The following CLPSL1 variants were observed in gnomAD, a reference collection of about 807,000 sequenced individuals.
CLPSL1 encodes colipase-like protein 1.
In CLPSL1, 13 loss-of-function variants were observed where a neutral mutation model predicts 9.3. The ratio of observed to expected loss-of-function variants is 1.40; its 90% CI spans 0.91 to 2.22. The LOEUF is 2.22. Among genes scored for constraint, CLPSL1 ranks in the 30% most tolerant of loss-of-function variants. The pLI, the probability that CLPSL1 is intolerant of heterozygous loss-of-function variation, is 0.00. For synonymous variants in CLPSL1, 58 were observed against 56.9 expected (o/e 1.02, Z -0.08); for missense variants, 164 against 146.6 (o/e 1.12, Z -0.61).
At chr6:35,785,273 G>C (rs994764417) in intron 1 of CLPSL1, among the ~76,000 whole-genome samples, 2 of 150,482 alleles carry the variant, frequency 1.3e-5, no homozygotes, top group East Asian at 3.9e-4. Context: ...CACCTCCCGG[G>C]TTCACGCCAT....
At chr6:35,791,789 C>T (rs114626523), downstream of CLPSL1, among the ~76,000 whole-genome samples, 5,270 of 151,660 alleles carry the variant, frequency 0.035, 91 homozygotes, top group Admixed American at 0.065. Context: ...AAATTAACTC[C>T]GGGCATGGAG....
At position 35,788,137 on chromosome 6, in the gene CLPSL1, G is replaced by C. The variant is rs767233187; in HGVS notation, c.*127G>C. On this transcript the variant is annotated 3_prime_UTR_variant, in exon 3 of 3. Transcript: ENST00000373861. ...GGAAGTGGGGAGTGATTGAAATAAA[G>C]AGCTTTTTCAATGTTTGCTGCCCAC... The C allele has an allele frequency of 8.0e-6, 5 of 626,846 alleles. No individual in the cohort carries two copies. The highest frequency in any genetic ancestry group is 1.4e-5 in the Non-Finnish European group (5 of 359,080). The allele number at this position is 626,846 out of a possible 1,614,324, so 38.8% of individuals were successfully genotyped here. A position where few individuals can be genotyped will look rare whatever the true frequency, so the allele number is the denominator to read the frequency against.
intron 2 of CLPSL1, 24 bp from the exon 3 acceptor site, chr6:35,787,843 A>T (rs1225444341): frequency 6.2e-7 from 1 of 1,602,994 alleles, no homozygotes; most frequent in Admixed American, 1.7e-5. Flanking sequence ...GCCAAGGTCG[A>T]GGTCAAAGTC....
At chr6:35,787,612 A>G (rs111960951) in intron 2 of CLPSL1, among the ~76,000 whole-genome samples, 469 of 152,250 alleles carry the variant, frequency 3.1e-3, no homozygotes, top group African/African-American at 0.011. Flanking sequence ...TGGTGTGTCC[A>G]TGGACTTAGG....
chr6:35,792,072 A>T (rs1768229399), downstream of CLPSL1, among the ~76,000 whole-genome samples: 1 of 148,686 alleles, frequency 6.7e-6, no homozygotes, highest in Non-Finnish European at 1.5e-5. Flanking sequence ...GGCAACAGAG[A>T]CAGACTCCAT....
intron 1 of CLPSL1, 29 bp from the exon 2 acceptor site, chr6:35,786,969 G>A (rs1418340332): frequency 1.3e-6 from 2 of 1,557,548 alleles, no homozygotes; most frequent in East Asian, 2.4e-5. Context: ...GGGCGGTGGA[G>A]CCTGGCGGTG....
chr6:35,790,813 A>C (rs1352527216), downstream of CLPSL1, among the ~76,000 whole-genome samples: 4 of 152,264 alleles, frequency 2.6e-5, no homozygotes, highest in African/African-American at 9.6e-5. Context: ...TTAGGCAGAC[A>C]AAGGAGTTCA....
At chr6:35,781,279 A>ACAT in intron 1 of CLPSL1, 70 bp downstream of exon 1, 1 of 1,571,196 alleles carries the variant, frequency 6.4e-7, no homozygotes, top group South Asian at 1.2e-5. Flanking sequence ...TGGGGAGGTG[A>ACAT]GCGGGCATGG....
At chr6:35,783,666 T>C (rs12207830) in intron 1 of CLPSL1, among the ~76,000 whole-genome samples, 35,519 of 149,468 alleles carry the variant, frequency 0.24, 4,439 homozygotes, top group Non-Finnish European at 0.29. Flanking sequence ...AAATTAGCTG[T>C]GCGTGGTGGC....
At chr6:35,786,959 G>T (rs778382185) in intron 1 of CLPSL1, 39 bp from the exon 2 acceptor site, 2 of 1,551,708 alleles carry the variant, frequency 1.3e-6, no homozygotes, top group South Asian at 1.2e-5. Context: ...GGCGGAAGGC[G>T]GGCGGTGGAG....
In CLPSL1 at chr6:35,787,020, G is replaced by A. The variant is rs750205720; in HGVS notation, c.122G>A (p.Arg41Gln). The A allele has an allele frequency of 6.9e-6, 11 of 1,587,886 alleles. No homozygotes were observed. The highest frequency in any genetic ancestry group is 1.2e-5 in the South Asian group (1 of 86,838). Residue 41 changes from arginine to glutamine, a missense_variant, in exon 2 of 3, where the codon CGG (arginine) becomes CAG (glutamine). By Grantham distance (43) the Arg-to-Gln change is conservative. Transcript: ENST00000373861. ...CAGGAGCTCAAGGAGTCTTGCATCCGGAACCAGGACTGCGAGACTGGCTGC... is the reference window on the plus strand; with the variant it reads ...CAGGAGCTCAAGGAGTCTTGCATCCAGAACCAGGACTGCGAGACTGGCTGC... ...NLLELKESCIRNQDCETGCCQ... is the reference protein window; with the variant it reads ...NLLELKESCIQNQDCETGCCQ...
chr6:35,788,374 C>G (rs577687999), downstream of CLPSL1, among the ~76,000 whole-genome samples: 3 of 152,266 alleles, frequency 2.0e-5, no homozygotes, highest in East Asian at 1.9e-4. Flanking sequence ...TAATCTACCC[C>G]CCGGAAGCCC....
chr6:35,782,645 G>A lies in CLPSL1; in HGVS notation c.99+1436G>A, dbSNP rs926440263. ...GGGCAGAGGGCCAGCAAGCGCAAAT[G>A]CCCTGGGGCCAGGCCAGGTGTGGAT... On this transcript the variant is annotated intron_variant, in intron 1 of 2. Coordinates refer to ENST00000373861, the MANE Select transcript of CLPSL1 (RefSeq NM_001010886.5). Among the ~76,000 whole-genome samples the A allele has an allele frequency of 3.3e-5, 5 of 152,322 alleles. 1 individual carries two copies. The highest frequency in any genetic ancestry group is 6.5e-5 in the Admixed American group (1 of 15,300).
chr6:35,786,134 G>A (rs939691685), intron 1 of CLPSL1, among the ~76,000 whole-genome samples: 9 of 152,020 alleles, frequency 5.9e-5, no homozygotes, highest in Admixed American at 3.9e-4. Context: ...GCATGGTGGC[G>A]CACGGCTGTA....
downstream of CLPSL1, among the ~76,000 whole-genome samples, chr6:35,793,116 T>C (rs777209038): frequency 6.6e-6 from 1 of 152,126 alleles, no homozygotes; most frequent in African/African-American, 2.4e-5. Flanking sequence ...CCTTGAGGAT[T>C]TGAGGAAAGA....
At chr6:35,781,427 G>T (rs909478297) in intron 1 of CLPSL1, among the ~76,000 whole-genome samples, 2 of 152,210 alleles carry the variant, frequency 1.3e-5, no homozygotes, top group Non-Finnish European at 2.9e-5. Flanking sequence ...AGAGGTGAAT[G>T]TGAGAGAGCC....
chr6:35,783,417 G>A (rs996819071), intron 1 of CLPSL1, among the ~76,000 whole-genome samples: 33 of 152,156 alleles, frequency 2.2e-4, no homozygotes, highest in African/African-American at 8.0e-4. Flanking sequence ...GGCTGAGGCA[G>A]GAGAATTGCT....
chr6:35,793,696 C>A, downstream of CLPSL1: 1 of 430,766 alleles, frequency 2.3e-6, no homozygotes, highest in Non-Finnish European at 4.8e-6. Context: ...TTTTCTGCTA[C>A]TCACAGTTGA....
At chr6:35,792,957 C>A (rs1401983326), downstream of CLPSL1, among the ~76,000 whole-genome samples, 1 of 152,268 alleles carries the variant, frequency 6.6e-6, no homozygotes, top group East Asian at 1.9e-4. Context: ...TTGCCCCCTT[C>A]CCTGCCAACT....
Sources: allele counts gnomAD v4.1 joint callset (sites outside exome capture counted in the v4.1 genomes callset), GRCh38; gene constraint gnomAD v4.1.1; transcripts MANE v1.5; gene names NCBI Gene and HGNC (gene_info 2026-07-23, HGNC 2026-07-21).